The following TAMM41 variants were observed in gnomAD, a reference collection of about 807,000 sequenced individuals.
TAMM41 encodes the protein phosphatidate cytidylyltransferase, mitochondrial.
In TAMM41, 36 loss-of-function variants were observed where a neutral mutation model predicts 44.1. That is an observed-to-expected ratio of 0.82 (90% confidence interval 0.63 to 1.08). TAMM41 has a LOEUF of 1.08. Ranked by LOEUF, TAMM41 falls within the 50% of genes least tolerant of loss-of-function variation. The pLI, the probability that TAMM41 is intolerant of heterozygous loss-of-function variation, is 0.00. For missense variants in TAMM41, 417 were observed against 404.3 expected (o/e 1.03, Z -0.27); for synonymous variants, 164 against 153.1 (o/e 1.07, Z -0.53).
chr3:11,723,750 G>A, the TAMM41 span, among the ~76,000 whole-genome samples: 1 of 152,032 alleles, frequency 6.6e-6, no homozygotes, highest in Non-Finnish European at 1.5e-5. Context: ...AACATAACTG[G>A]GCAAATCAAA....
chr3:11,814,745 T>C (rs1280519668), intron 5 of TAMM41, among the ~76,000 whole-genome samples: 3 of 152,182 alleles, frequency 2.0e-5, no homozygotes, highest in African/African-American at 7.2e-5. Flanking sequence ...GGAGGATGGC[T>C]TGAGCCCAGG....
At chr3:11,786,286 T>TTAATTTTATTATTATTA (rs1553564665), downstream of TAMM41, among the ~76,000 whole-genome samples, 173 of 138,842 alleles carry the variant, frequency 1.2e-3, no homozygotes, top group Non-Finnish European at 2.0e-3. Flanking sequence ...TTTATTTAAT[T>TTAATTTTATTATTATTA]TTATTATTAT....
At chr3:11,793,156 G>A (rs772538116) in intron 7 of TAMM41, among the ~76,000 whole-genome samples, 1 of 150,724 alleles carries the variant, frequency 6.6e-6, no homozygotes, top group African/African-American at 2.4e-5. Flanking sequence ...GTTGTGCCCC[G>A]ACTACAGAGA....
chr3:11,799,914 G>C (rs1005441281), intron 7 of TAMM41, among the ~76,000 whole-genome samples: 3 of 152,106 alleles, frequency 2.0e-5, no homozygotes, highest in African/African-American at 4.8e-5. Flanking sequence ...AAACCTTAAA[G>C]GCCAGAAGAG....
chr3:11,802,632 G>A (rs1437957693), intron 7 of TAMM41, among the ~76,000 whole-genome samples: 1 of 152,098 alleles, frequency 6.6e-6, no homozygotes, highest in East Asian at 1.9e-4. Context: ...CAGAAAGAAT[G>A]AATACCAATC....
chr3:11,789,018 GA>G (rs1352542762), downstream of TAMM41, among the ~76,000 whole-genome samples: 6 of 151,920 alleles, frequency 3.9e-5, no homozygotes, highest in African/African-American at 1.4e-4. Context: ...TAATACAAAG[GA>G]ACCACAGCAG....
chr3:11,788,613 C>A (rs1391898770), downstream of TAMM41, among the ~76,000 whole-genome samples: 3 of 152,012 alleles, frequency 2.0e-5, no homozygotes, highest in Admixed American at 1.3e-4. Context: ...AAGGAAAAAA[C>A]TTACACAAAT....
chr3:11,846,829 G>A lies in TAMM41; in HGVS notation c.-193C>T, dbSNP rs1016358198. ...GTTGGGCCACGAAGAGCAGCGGCGA[G>A]AAGACGCAGCCCAGATAGGCTCGGG... On this transcript the variant is annotated 5_prime_UTR_variant, in exon 1 of 8. Transcript: ENST00000455809. The A allele has an allele frequency of 1.2e-5, 8 of 688,460 alleles. No individual in the cohort carries two copies. The highest frequency in any genetic ancestry group is 3.6e-5 in the African/African-American group (2 of 55,578). The allele number at this position is 688,460 out of a possible 1,614,324, so 42.6% of individuals were successfully genotyped here.
At chr3:11,750,129 C>A in the TAMM41 span, among the ~76,000 whole-genome samples, 57 of 152,160 alleles carry the variant, frequency 3.7e-4, no homozygotes, top group Middle Eastern at 3.4e-3. Context: ...ATCTCCTGAC[C>A]TCGTGATCCG....
downstream of TAMM41, among the ~76,000 whole-genome samples, chr3:11,788,968 GAAAGAAAGAAAAAGAA>G (rs1484297796): frequency 6.6e-6 from 1 of 151,660 alleles, no homozygotes; most frequent in Non-Finnish European, 1.5e-5. Context: ...AGAAAAAAAA[GAAAGAAAGAAAAAGAA>G]AAAGAAAATA....
At chr3:11,783,111 A>G in the TAMM41 span, among the ~76,000 whole-genome samples, 6 of 152,232 alleles carry the variant, frequency 3.9e-5, no homozygotes, top group African/African-American at 1.4e-4. Context: ...GTGCCAGAGT[A>G]TAAAAGAATC....
the TAMM41 span, among the ~76,000 whole-genome samples, chr3:11,784,796 CTTTTTT>C: frequency 5.5e-5 from 6 of 109,030 alleles, no homozygotes; most frequent in Admixed American, 1.0e-4. Context: ...CTTTTCTTTT[CTTTTTT>C]TTTTTTTTTT....
At chr3:11,806,085 T>C (rs568429657) in intron 7 of TAMM41, among the ~76,000 whole-genome samples, 2 of 152,238 alleles carry the variant, frequency 1.3e-5, no homozygotes, top group East Asian at 3.8e-4. Flanking sequence ...CCTTCCGCCA[T>C]GATTCTGAGA....
chr3:11,794,710 C>T (rs1387350267), intron 7 of TAMM41, among the ~76,000 whole-genome samples: 2 of 152,158 alleles, frequency 1.3e-5, no homozygotes, highest in East Asian at 3.8e-4. Flanking sequence ...AGTTAATACA[C>T]ACGTAAGACT....
chr3:11,786,286 T>TTAATTTTATTATTATTATTATTATTA (rs1553564665), downstream of TAMM41, among the ~76,000 whole-genome samples: 1 of 138,872 alleles, frequency 7.2e-6, no homozygotes, highest in Non-Finnish European at 1.5e-5. Context: ...TTTATTTAAT[T>TTAATTTTATTATTATTATTATTATTA]TTATTATTAT....
intron 1 of TAMM41, chr3:11,844,914 CA>C (rs771988685): frequency 6.6e-6 from 3 of 456,556 alleles, no homozygotes; most frequent in Middle Eastern, 6.5e-4. Flanking sequence ...GGGATCAGAT[CA>C]GGGGCACAGG....
intron 7 of TAMM41, among the ~76,000 whole-genome samples, chr3:11,791,598 C>T (rs2077478506): frequency 6.6e-6 from 1 of 152,048 alleles, no homozygotes. Context: ...CCTGGCAGTG[C>T]ACTTTGGTGA....
intron 6 of TAMM41, 124 bp downstream of exon 6, chr3:11,809,393 T>A: frequency 8.7e-7 from 1 of 1,146,790 alleles, no homozygotes. Context: ...AGTGCTTTCT[T>A]CTTCTGAGAG....
chr3:11,737,860 C>T, the TAMM41 span, among the ~76,000 whole-genome samples: 1 of 152,206 alleles, frequency 6.6e-6, no homozygotes. Flanking sequence ...GCTGACTGGT[C>T]GCTGGGCTCC....
Sources: gnomAD v4.1 joint callset for allele counts (sites outside exome capture counted in the v4.1 genomes callset) on GRCh38, gnomAD v4.1.1 for gene constraint, MANE v1.5 for transcripts, NCBI Gene and HGNC (gene_info 2026-07-23, HGNC 2026-07-21) for gene names.